The following PTPRG variants were observed in gnomAD, a reference collection of about 807,000 sequenced individuals.
PTPRG encodes the protein receptor-type tyrosine-protein phosphatase gamma.
In PTPRG, 102 loss-of-function variants were observed where a neutral mutation model predicts 165.3. That is an observed-to-expected ratio of 0.62 (90% CI 0.53 to 0.73). PTPRG has a LOEUF of 0.73. Ranked by LOEUF, PTPRG falls within the 30% of genes least tolerant of loss-of-function variation. The probability of loss-of-function intolerance (pLI) is 0.00; values close to 1 mark genes in which losing one functional copy is unlikely to be tolerated. For missense variants in PTPRG, 1,866 were observed against 1,861.4 expected, an observed-to-expected ratio of 1.00 and a Z score of -0.05; for synonymous variants, 675 against 669.5, an observed-to-expected ratio of 1.01 and a Z score of -0.13.
At chr3:61,746,731 C>T (rs1383416443) in intron 1 of PTPRG, among the ~76,000 whole-genome samples, 4 of 152,174 alleles carry the variant, frequency 2.6e-5, no homozygotes, top group African/African-American at 9.7e-5. Context: ...ACAAGGCTCA[C>T]TCCTAGAGCT....
chr3:61,656,048 C>G (rs575845583), intron 1 of PTPRG, among the ~76,000 whole-genome samples: 4,185 of 150,870 alleles, frequency 0.028, 102 homozygotes, highest in Non-Finnish European at 0.042. Flanking sequence ...GACCCCCCCC[C>G]CCCCGACCAT....
intron 2 of PTPRG, among the ~76,000 whole-genome samples, chr3:61,961,928 C>G (rs1489311709): frequency 6.6e-6 from 1 of 152,186 alleles, no homozygotes; most frequent in Non-Finnish European, 1.5e-5. Flanking sequence ...TCAGACACAG[C>G]TCGGGCTCTG....
At chr3:62,193,606 C>T (rs376803920) in intron 9 of PTPRG, among the ~76,000 whole-genome samples, 1 of 152,224 alleles carries the variant, frequency 6.6e-6, no homozygotes, top group Non-Finnish European at 1.5e-5. Flanking sequence ...CCTTCCGCAT[C>T]GTCACCACAA....
chr3:62,279,916 A>G (rs1159822109), intron 26 of PTPRG, among the ~76,000 whole-genome samples: 4 of 152,038 alleles, frequency 2.6e-5, no homozygotes, highest in Non-Finnish European at 5.9e-5. Context: ...CTACAGGAAA[A>G]CTACAGTTTG....
rs1056768622 is a variant in PTPRG, at chr3:62,203,596, A to G, written c.1801A>G (p.Lys601Glu). Residue 601 changes from lysine to glutamate, a missense_variant, in exon 12 of 30, where the codon AAG becomes GAG. Lys to Glu is a moderately conservative substitution (Grantham distance 56, BLOSUM62 1). Transcript: ENST00000474889. The surrounding 1 kb of genome is among the most constrained non-coding windows in gnomAD (Gnocchi z 6.4). ...GCGGGAGCACGAGGAGGATGGAGAG[A>G]AGGACTCCGAAAAGAAGGAGAAGAG... Reference protein sequence around the residue: ...GEREHEEDGEKDSEKKEKSGV... With the variant: ...GEREHEEDGEEDSEKKEKSGV... 2.6e-6 allele frequency: 4 copies of G among 1,552,534 alleles called. No homozygotes were observed. The highest frequency in any genetic ancestry group is 3.5e-6 in the Non-Finnish European group (4 of 1,147,480).
intron 4 of PTPRG, among the ~76,000 whole-genome samples, chr3:62,074,476 C>T (rs1701319284): frequency 2.0e-5 from 3 of 150,710 alleles, no homozygotes; most frequent in Non-Finnish European, 4.4e-5. Context: ...TCACCTCAGT[C>T]TCCTGAATAG....
chr3:62,209,392 T>C (rs554812729), intron 12 of PTPRG, among the ~76,000 whole-genome samples: 46 of 152,272 alleles, frequency 3.0e-4, no homozygotes, highest in African/African-American at 1.1e-3. Flanking sequence ...GTTTCCTTAT[T>C]GAAGAAGTTT....
intron 2 of PTPRG, among the ~76,000 whole-genome samples, chr3:61,939,827 C>A (rs939755796): frequency 5.9e-5 from 9 of 151,578 alleles, no homozygotes; most frequent in African/African-American, 2.2e-4. Flanking sequence ...CAATGTCCAC[C>A]CATGTTTGAT....
At chr3:61,817,721 G>T (rs973831770) in intron 2 of PTPRG, among the ~76,000 whole-genome samples, 2 of 152,196 alleles carry the variant, frequency 1.3e-5, no homozygotes, top group Admixed American at 1.3e-4. Flanking sequence ...AGATGCCCAT[G>T]GGAAAGTGTG....
At chr3:61,851,815 C>T (rs761489554) in intron 2 of PTPRG, among the ~76,000 whole-genome samples, 3 of 152,090 alleles carry the variant, frequency 2.0e-5, no homozygotes, top group Non-Finnish European at 4.4e-5. Flanking sequence ...TCTTTGCCTT[C>T]AGTAGCATAA....
At chr3:61,993,277 G>A (rs1381250751) in intron 3 of PTPRG, among the ~76,000 whole-genome samples, 2 of 151,646 alleles carry the variant, frequency 1.3e-5, no homozygotes. Flanking sequence ...GAGTGCAATG[G>A]TGTGATCTCA....
rs1445357618 is a variant in PTPRG at position 61,887,162 on chromosome 3, A to T, written c.191-102463A>T. Among the ~76,000 whole-genome samples the T allele has an allele frequency of 2.5e-3, 226 of 89,148 alleles. 4 individuals carry two copies. Among genetic ancestry groups the T allele is most frequent in the African/African-American group, 8.1e-3 (212 of 26,280 alleles). The allele number at this position is 89,148 out of a possible 152,430, so 58.5% of individuals were successfully genotyped here. ...TATATATATATATATATATATATAT[A>T]TATATATATTTTTAATGCCATCATC... is the stretch of plus-strand genomic sequence containing the variant. On this transcript the variant is annotated intron_variant, in intron 2 of 29. Coordinates refer to ENST00000474889, the MANE Select transcript of PTPRG (RefSeq NM_002841.4).
At chr3:61,592,981 A>G (rs1161583967) in intron 1 of PTPRG, among the ~76,000 whole-genome samples, 1 of 152,134 alleles carries the variant, frequency 6.6e-6, no homozygotes, top group African/African-American at 2.4e-5. Flanking sequence ...GACTGGGCCT[A>G]GGGTATTCTA....
At chr3:61,895,936 T>C (rs1053586556) in intron 2 of PTPRG, among the ~76,000 whole-genome samples, 8 of 152,248 alleles carry the variant, frequency 5.3e-5, no homozygotes, top group African/African-American at 1.9e-4. Flanking sequence ...ATATCACTTA[T>C]ATACTTTGCC....
chr3:61,602,132 T>G (rs768912410), intron 1 of PTPRG, among the ~76,000 whole-genome samples: 1 of 152,006 alleles, frequency 6.6e-6, no homozygotes, highest in Non-Finnish European at 1.5e-5. Context: ...TTCTTGGGCT[T>G]CTGTTCAGGC....
At chr3:61,789,597 T>C (rs2034812388) in intron 2 of PTPRG, among the ~76,000 whole-genome samples, 1 of 152,236 alleles carries the variant, frequency 6.6e-6, no homozygotes, top group African/African-American at 2.4e-5. Flanking sequence ...CATGGGACTT[T>C]TCAGTACTTT....
chr3:62,060,876 C>A (rs1408649960), intron 4 of PTPRG, among the ~76,000 whole-genome samples: 1 of 152,156 alleles, frequency 6.6e-6, no homozygotes, highest in Non-Finnish European at 1.5e-5. Context: ...ACATGGAGTT[C>A]TGTAACTTGC....
At chr3:61,836,708 T>G (rs2036472432) in intron 2 of PTPRG, among the ~76,000 whole-genome samples, 1 of 150,856 alleles carries the variant, frequency 6.6e-6, no homozygotes, top group Non-Finnish European at 1.5e-5. Flanking sequence ...AAGTTCTGTT[T>G]GAAACCAGTT....
At chr3:61,926,941 G>A (rs966465210) in intron 2 of PTPRG, among the ~76,000 whole-genome samples, 23 of 152,016 alleles carry the variant, frequency 1.5e-4, no homozygotes, top group African/African-American at 4.8e-4. Context: ...ATCTGTACAT[G>A]TTGTCCTTTT....
Sources: allele counts gnomAD v4.1 joint callset (sites outside exome capture counted in the v4.1 genomes callset), GRCh38; gene constraint gnomAD v4.1.1; non-coding constraint Gnocchi (gnomAD v3.1); transcripts MANE v1.5; gene names NCBI Gene and HGNC (gene_info 2026-07-23, HGNC 2026-07-21).